MLLT3: variants seen among roughly 807,000 people sequenced by gnomAD.
MLLT3 encodes MLLT3 super elongation complex subunit.
MLLT3 carries 4 observed loss-of-function variants against 53.2 expected under a neutral mutation model. The observed-to-expected ratio is 0.08, with a 90% CI of 0.04 to 0.17. MLLT3 has a LOEUF of 0.17. Among genes scored for constraint, MLLT3 ranks in the 10% least tolerant of loss-of-function variants. MLLT3 has a pLI of 1.00. For synonymous variants in MLLT3, 283 were observed against 230.6 expected (o/e 1.23, Z -2.06); for missense variants, 569 against 684.0 (o/e 0.83, Z 1.87).
chr9:20,522,429 T>A (rs897807050), intron 2 of MLLT3, among the ~76,000 whole-genome samples: 3 of 152,204 alleles, frequency 2.0e-5, no homozygotes, highest in Non-Finnish European at 4.4e-5. Flanking sequence ...AATAATGATA[T>A]AATCATTCTG....
At chr9:20,399,061 A>G (rs1433318895) in intron 5 of MLLT3, among the ~76,000 whole-genome samples, 2 of 152,064 alleles carry the variant, frequency 1.3e-5, no homozygotes, top group Admixed American at 1.3e-4. Flanking sequence ...GTGACCTCCA[A>G]TTTATCCTAG....
intron 6 of MLLT3, among the ~76,000 whole-genome samples, chr9:20,364,298 A>G (rs540555814): frequency 6.6e-6 from 1 of 152,368 alleles, no homozygotes; most frequent in Non-Finnish European, 1.5e-5. Context: ...GACAGTATCC[A>G]GTATCAGACA....
chr9:20,421,645 T>C (rs1823011662), intron 4 of MLLT3, among the ~76,000 whole-genome samples: 1 of 152,222 alleles, frequency 6.6e-6, no homozygotes, highest in South Asian at 2.1e-4. Context: ...GCCAAGTTAA[T>C]TCTGACTTAA....
Position 20,456,656 on chromosome 9 carries a change from C to A in MLLT3, c.276+48G>T, listed in dbSNP as rs372611659. On this transcript the variant is annotated intron_variant, in intron 3 of 10. Coordinates refer to ENST00000380338, the MANE Select transcript of MLLT3 (RefSeq NM_004529.4). Reference sequence around the variant, plus strand: ...CAAAATTATTTTAAACATCATTTGGCTAATGGTGGATCGTCTACTGAAAGA... The same window carrying A: ...CAAAATTATTTTAAACATCATTTGGATAATGGTGGATCGTCTACTGAAAGA... 4.0e-6 allele frequency: 5 copies of A among 1,257,622 alleles called. No homozygotes were observed. The African/African-American group carries it at 7.4e-5, about 19-fold the overall frequency. The allele number at this position is 1,257,622 out of a possible 1,614,324, so 77.9% of individuals were successfully genotyped here. A position where few individuals can be genotyped will look rare whatever the true frequency, so the allele number is the denominator to read the frequency against.
intron 4 of MLLT3, among the ~76,000 whole-genome samples, chr9:20,447,360 A>G (rs1823730917): frequency 6.6e-6 from 1 of 152,208 alleles, no homozygotes; most frequent in Admixed American, 6.6e-5. Flanking sequence ...ACACATCTCA[A>G]AATAGATGGG....
intron 2 of MLLT3, among the ~76,000 whole-genome samples, chr9:20,565,866 C>T (rs1472923359): frequency 6.9e-6 from 1 of 145,942 alleles, no homozygotes; most frequent in Non-Finnish European, 1.5e-5. Flanking sequence ...AAAAAGTCCA[C>T]TCTCTATATC....
chr9:20,361,795 C>T (rs1305952627), intron 7 of MLLT3, among the ~76,000 whole-genome samples: 1 of 152,144 alleles, frequency 6.6e-6, no homozygotes, highest in Non-Finnish European at 1.5e-5. Flanking sequence ...TTGCTCCCCT[C>T]CTCTCTGGTT....
chr9:20,433,388 TA>T (rs1823325485), intron 4 of MLLT3, among the ~76,000 whole-genome samples: 3 of 152,090 alleles, frequency 2.0e-5, no homozygotes, highest in African/African-American at 7.2e-5. Context: ...TCCATGATGA[TA>T]AAATAAACAT....
At chr9:20,547,981 T>G (rs7860478) in intron 2 of MLLT3, among the ~76,000 whole-genome samples, 1 of 152,154 alleles carries the variant, frequency 6.6e-6, no homozygotes, top group East Asian at 1.9e-4. Flanking sequence ...AGTTGGTACA[T>G]ATTTTACACC....
intron 2 of MLLT3, among the ~76,000 whole-genome samples, chr9:20,566,787 T>A (rs928588008): frequency 6.6e-6 from 1 of 152,004 alleles, no homozygotes; most frequent in African/African-American, 2.4e-5. Flanking sequence ...TCATCTGAGA[T>A]TAAGAAGGAG....
intron 2 of MLLT3, among the ~76,000 whole-genome samples, chr9:20,524,093 C>G (rs1026818244): frequency 2.6e-5 from 4 of 151,924 alleles, no homozygotes; most frequent in African/African-American, 9.7e-5. Context: ...TGAAACTGCT[C>G]TATGTGATTC....
chr9:20,614,798 T>G (rs1259652718), intron 2 of MLLT3, among the ~76,000 whole-genome samples: 2 of 152,040 alleles, frequency 1.3e-5, no homozygotes, highest in African/African-American at 4.8e-5. Context: ...AAAAGTGATG[T>G]TATGTAGTGG....
At chr9:20,509,297 T>C (rs1825464502) in intron 2 of MLLT3, among the ~76,000 whole-genome samples, 2 of 152,346 alleles carry the variant, frequency 1.3e-5, no homozygotes, top group South Asian at 4.1e-4. Flanking sequence ...ATGTTCACCA[T>C]GGACAGTATA....
intron 2 of MLLT3, among the ~76,000 whole-genome samples, chr9:20,538,821 A>T (rs1587043715): frequency 6.6e-6 from 1 of 152,372 alleles, no homozygotes; most frequent in East Asian, 1.9e-4. Context: ...AGATCACCAC[A>T]ACAAAGCAAA....
At chr9:20,392,099 C>A (rs1459816439) in intron 5 of MLLT3, among the ~76,000 whole-genome samples, 1 of 152,116 alleles carries the variant, frequency 6.6e-6, no homozygotes, top group Admixed American at 6.6e-5. Context: ...ATTTGCTTAT[C>A]CGAGGCCTCC....
rs75969220 is a variant in MLLT3, at chr9:20,542,810, T to G, written c.193+77844A>C. On this transcript the variant is annotated intron_variant, in intron 2 of 10. Transcript: ENST00000380338. ...TTGACTCCTCATCCTGGATGGTATC[T>G]TCACCATTAGAAAGCTGTTTGGTTT... Among the ~76,000 whole-genome samples, 3 of 152,348 alleles carry G rather than the reference T, an allele frequency of 2.0e-5. No individual in the cohort carries two copies. The East Asian group carries it at 5.8e-4, about 29-fold the overall frequency.
At chr9:20,589,360 C>T (rs1020773580) in intron 2 of MLLT3, among the ~76,000 whole-genome samples, 1 of 147,180 alleles carries the variant, frequency 6.8e-6, no homozygotes, top group African/African-American at 2.5e-5. Flanking sequence ...CACATATTCT[C>T]ACTCATAGGT....
intron 2 of MLLT3, among the ~76,000 whole-genome samples, chr9:20,611,766 C>A (rs180910036): frequency 2.0e-4 from 31 of 152,186 alleles, no homozygotes; most frequent in Admixed American, 4.6e-4. Context: ...ATCGTAATAG[C>A]CTTCTTCAGT....
chr9:20,415,362 C>T (rs1822844466), intron 4 of MLLT3: 1 of 546,636 alleles, frequency 1.8e-6, no homozygotes. Flanking sequence ...TTTTTCCACT[C>T]ATATAAACAT....
Sources: allele counts gnomAD v4.1 joint callset (sites outside exome capture counted in the v4.1 genomes callset), GRCh38; gene constraint gnomAD v4.1.1; transcripts MANE v1.5; gene names NCBI Gene and HGNC (gene_info 2026-07-23, HGNC 2026-07-21).